The following SYT9 variants were observed in gnomAD, a reference collection of about 807,000 sequenced individuals.
SYT9 encodes synaptotagmin-9.
Under a neutral mutation model 48.4 loss-of-function variants are expected in SYT9, and 22 were observed. The ratio of observed to expected loss-of-function variants is 0.45; its 90% CI spans 0.32 to 0.65. SYT9 has a LOEUF of 0.65. SYT9 is among the 30% of genes least tolerant of loss of function. SYT9 has a pLI of 0.03. For synonymous variants in SYT9, 265 were observed against 245.0 expected (o/e 1.08, Z -0.76); for missense variants, 577 against 622.0 (o/e 0.93, Z 0.77).
At chr11:7,399,127 A>C (rs888462208) in intron 3 of SYT9, among the ~76,000 whole-genome samples, 6 of 152,204 alleles carry the variant, frequency 3.9e-5, no homozygotes, top group Non-Finnish European at 5.9e-5. Context: ...GGAAGCATTT[A>C]TGTTTGTCTG....
chr11:7,328,905 A>C (rs1849482269), intron 3 of SYT9, among the ~76,000 whole-genome samples: 1 of 152,164 alleles, frequency 6.6e-6, no homozygotes. Flanking sequence ...ATTCTTTTAG[A>C]ATCTTGCCTC....
At position 7,420,565 on chromosome 11, in the gene SYT9, G is replaced by T; in HGVS notation, c.1397G>T (p.Gly466Val). Residue 466 changes from glycine (G) to valine (V), a missense_variant, in exon 6 of 7, where the codon GGC becomes GTC. Coordinates refer to ENST00000318881, the MANE Select transcript of SYT9 (RefSeq NM_175733.4). ...GTAGGCAACGAGGCTGAGAGGCTGG[G>T]CAGAGACCACTGGAGTGAAATGTTG... is the stretch of plus-strand genomic sequence containing the variant. ...CQVGNEAERLGRDHWSEMLSY... is the reference protein window; with the variant it reads ...CQVGNEAERLVRDHWSEMLSY... 6.2e-7 allele frequency: 1 copy of T among 1,614,202 alleles called. No individual in the cohort carries two copies.
chr11:7,305,820 A>T lies in SYT9; in HGVS notation c.497+2430A>T, dbSNP rs115900111. 3.6e-3 allele frequency among the ~76,000 whole-genome samples: 541 copies of T among 152,224 alleles called. 4 individuals are homozygous for T. The highest frequency in any genetic ancestry group is 0.013 in the African/African-American group (520 of 41,540). ...CCAGTGCACGAAAGACACAGCCTCC[A>T]TTTAAAGGTGTCTTCAGGATCCTTG... On this transcript the variant is annotated intron_variant, in intron 2 of 6. Coordinates refer to ENST00000318881, the MANE Select transcript of SYT9 (RefSeq NM_175733.4).
chr11:7,344,872 T>C (rs903453044), intron 3 of SYT9, among the ~76,000 whole-genome samples: 1 of 152,006 alleles, frequency 6.6e-6, no homozygotes, highest in Non-Finnish European at 1.5e-5. Context: ...TCAAAGTTGT[T>C]TTAGTTATCT....
intron 3 of SYT9, among the ~76,000 whole-genome samples, chr11:7,415,584 G>A (rs1847227203): frequency 6.6e-6 from 1 of 152,090 alleles, no homozygotes; most frequent in Non-Finnish European, 1.5e-5. Flanking sequence ...CCTGGGCCGT[G>A]GGTGGGGCAC....
chr11:7,423,880 C>T lies in SYT9; in HGVS notation c.1467+3245C>T, dbSNP rs117653416. ...CTTAAAGACAGGCTGCTGTTATGCTCTCTAAGAACCTTTTAAATGTCTTCT... is the reference window on the plus strand; with the variant it reads ...CTTAAAGACAGGCTGCTGTTATGCTTTCTAAGAACCTTTTAAATGTCTTCT... On this transcript the variant is annotated intron_variant, in intron 6 of 6. Transcript: ENST00000318881. Among the ~76,000 whole-genome samples, 230 of 152,318 alleles carry T rather than the reference C, an allele frequency of 1.5e-3. 3 individuals carry two copies. In the East Asian group the frequency reaches 0.035, roughly 23 times the overall value.
At chr11:7,466,563 A>C (rs1260583170) in intron 6 of SYT9, among the ~76,000 whole-genome samples, 1 of 152,030 alleles carries the variant, frequency 6.6e-6, no homozygotes, top group Non-Finnish European at 1.5e-5. Flanking sequence ...TCTACTAAAA[A>C]TACAAAAATT....
At chr11:7,261,354 AG>A (rs1368181991) in intron 1 of SYT9, among the ~76,000 whole-genome samples, 1 of 152,120 alleles carries the variant, frequency 6.6e-6, no homozygotes, top group Non-Finnish European at 1.5e-5. Context: ...CATTGATTGG[AG>A]AGGTTATAGT....
chr11:7,379,531 T>C (rs1013414735), intron 3 of SYT9, among the ~76,000 whole-genome samples: 32 of 152,130 alleles, frequency 2.1e-4, no homozygotes, highest in African/African-American at 4.8e-5. Context: ...ATTCTAAATC[T>C]TCTTGTGTCT....
At chr11:7,391,471 A>G (rs1251698825) in intron 3 of SYT9, among the ~76,000 whole-genome samples, 11 of 152,094 alleles carry the variant, frequency 7.2e-5, no homozygotes, top group Admixed American at 7.2e-4. Flanking sequence ...AACATCTGCT[A>G]TTTTTTGACT....
At chr11:7,397,812 A>G (rs147599663) in intron 3 of SYT9, among the ~76,000 whole-genome samples, 227 of 152,318 alleles carry the variant, frequency 1.5e-3, no homozygotes, top group African/African-American at 5.1e-3. Flanking sequence ...TTGCTAATAT[A>G]TAAAAATCAT....
chr11:7,283,961 G>T (rs912398626), intron 1 of SYT9, among the ~76,000 whole-genome samples: 1 of 152,168 alleles, frequency 6.6e-6, no homozygotes, highest in African/African-American at 2.4e-5. Flanking sequence ...CTTGCCACTT[G>T]AAGATTTCTG....
chr11:7,312,972 A>G (rs1274910127), intron 2 of SYT9, among the ~76,000 whole-genome samples: 1 of 152,212 alleles, frequency 6.6e-6, no homozygotes, highest in East Asian at 1.9e-4. Flanking sequence ...TAATTTAGAG[A>G]AAGATTCATT....
At chr11:7,278,480 C>A (rs1166747124) in intron 1 of SYT9, among the ~76,000 whole-genome samples, 1 of 152,140 alleles carries the variant, frequency 6.6e-6, no homozygotes, top group Middle Eastern at 3.2e-3. Context: ...TAAGATTCTG[C>A]AACATTGTCT....
chr11:7,423,737 C>A (rs1847399433), intron 6 of SYT9, among the ~76,000 whole-genome samples: 1 of 152,126 alleles, frequency 6.6e-6, no homozygotes, highest in South Asian at 2.1e-4. Context: ...GGCCGGGAAT[C>A]CACCACTCCT....
intron 1 of SYT9, among the ~76,000 whole-genome samples, chr11:7,242,528 G>C (rs1004204835): frequency 6.6e-6 from 1 of 152,154 alleles, no homozygotes; most frequent in Admixed American, 6.5e-5. Flanking sequence ...CATTTTTGTT[G>C]TGTCTGGCAC....
intron 3 of SYT9, among the ~76,000 whole-genome samples, chr11:7,365,705 T>G (rs1850227992): frequency 6.6e-6 from 1 of 152,268 alleles, no homozygotes; most frequent in Non-Finnish European, 1.5e-5. Context: ...TTCTCTTTAC[T>G]GGCATTTTCA....
intron 3 of SYT9, among the ~76,000 whole-genome samples, chr11:7,354,784 G>A (rs1849984708): frequency 6.6e-6 from 1 of 152,064 alleles, no homozygotes; most frequent in African/African-American, 2.4e-5. Flanking sequence ...TTGGAGTGCA[G>A]GGGCAGTTGA....
At chr11:7,265,350 G>A (rs567602946) in intron 1 of SYT9, among the ~76,000 whole-genome samples, 190 of 152,268 alleles carry the variant, frequency 1.2e-3, no homozygotes, top group Middle Eastern at 3.4e-3. Context: ...GCGATTGAAT[G>A]TCAAGGCCCC....
Sources: allele counts gnomAD v4.1 joint callset (sites outside exome capture counted in the v4.1 genomes callset), GRCh38; gene constraint gnomAD v4.1.1; transcripts MANE v1.5; gene names NCBI Gene and HGNC (gene_info 2026-07-23, HGNC 2026-07-21).